PRR16: variants seen among roughly 807,000 people sequenced by gnomAD.
PRR16 encodes the protein protein Largen.
In PRR16, 6 loss-of-function variants were observed where a neutral mutation model predicts 18.2. The observed-to-expected ratio is 0.33, with a 90% confidence interval of 0.18 to 0.65. PRR16 has a LOEUF of 0.65. Ranked by LOEUF, PRR16 falls within the 30% of genes least tolerant of loss-of-function variation. The pLI, the probability that PRR16 is intolerant of heterozygous loss-of-function variation, is 0.74. For synonymous variants in PRR16, 151 were observed against 147.8 expected (o/e 1.02, Z -0.16); for missense variants, 412 against 376.6 (o/e 1.09, Z -0.78).
chr5:120,672,530 A>G (rs1051363823), intron 1 of PRR16, among the ~76,000 whole-genome samples: 7 of 73,364 alleles, frequency 9.5e-5, no homozygotes, highest in African/African-American at 2.7e-4. Flanking sequence ...AATTTATGTT[A>G]TAGATATATA....
chr5:120,707,867 T>C, the PRR16 span, among the ~76,000 whole-genome samples: 1 of 152,150 alleles, frequency 6.6e-6, no homozygotes, highest in African/African-American at 2.4e-5. Flanking sequence ...CTCTTGCATA[T>C]GGGAATGAGG....
intron 1 of PRR16, among the ~76,000 whole-genome samples, chr5:120,502,310 A>G (rs1462951693): frequency 6.7e-6 from 1 of 150,232 alleles, no homozygotes; most frequent in Non-Finnish European, 1.5e-5. Flanking sequence ...AACCAAAAAT[A>G]TTAATTCCTA....
intron 1 of PRR16, among the ~76,000 whole-genome samples, chr5:120,577,047 C>T (rs1056300149): frequency 8.6e-5 from 13 of 151,836 alleles, no homozygotes; most frequent in African/African-American, 2.4e-4. Context: ...CGTTTTCCAA[C>T]GCTGAAAGAT....
chr5:120,547,039 A>C (rs1199341597), intron 1 of PRR16, among the ~76,000 whole-genome samples: 1 of 152,032 alleles, frequency 6.6e-6, no homozygotes, highest in East Asian at 1.9e-4. Flanking sequence ...AAGTTTTGAG[A>C]TGTTGCTATG....
At chr5:120,556,074 C>A (rs1260566800) in intron 1 of PRR16, among the ~76,000 whole-genome samples, 2 of 151,420 alleles carry the variant, frequency 1.3e-5, no homozygotes, top group Admixed American at 1.3e-4. Flanking sequence ...ATTTAAATGG[C>A]ATAGAATAGA....
intron 1 of PRR16, among the ~76,000 whole-genome samples, chr5:120,610,479 T>G (rs1321220072): frequency 2.0e-5 from 3 of 152,098 alleles, no homozygotes; most frequent in African/African-American, 7.2e-5. Flanking sequence ...CAACTTGAGT[T>G]ACATGTCTCA....
intron 1 of PRR16, among the ~76,000 whole-genome samples, chr5:120,521,611 T>C (rs1751183226): frequency 6.6e-6 from 1 of 152,192 alleles, no homozygotes; most frequent in Non-Finnish European, 1.5e-5. Context: ...GTAATTATCA[T>C]ATGTATCACT....
chr5:120,666,115 G>C (rs543555038), intron 1 of PRR16, among the ~76,000 whole-genome samples: 1 of 152,208 alleles, frequency 6.6e-6, no homozygotes, highest in African/African-American at 2.4e-5. Context: ...CCATTTCTTT[G>C]TATCCTCTTT....
intron 1 of PRR16, among the ~76,000 whole-genome samples, chr5:120,655,189 G>A (rs1396215300): frequency 6.6e-6 from 1 of 151,690 alleles, no homozygotes; most frequent in Admixed American, 6.6e-5. Flanking sequence ...ACTCAGGCCT[G>A]TGGTAATGAT....
At chr5:120,640,057 A>G (rs575290146) in intron 1 of PRR16, among the ~76,000 whole-genome samples, 1 of 152,186 alleles carries the variant, frequency 6.6e-6, no homozygotes, top group South Asian at 2.1e-4. Flanking sequence ...ACCAAATACC[A>G]CATGATCTCA....
At position 120,470,849 on chromosome 5, in the gene PRR16, T is replaced by C. The variant is rs535857173; in HGVS notation, c.159+6204T>C. Among the ~76,000 whole-genome samples, 20 of 152,310 alleles carry C rather than the reference T, an allele frequency of 1.3e-4. No homozygotes were observed. The South Asian group carries it at 3.5e-3, about 27-fold the overall frequency. ...TTGTAAGTGGAGAAGTGAAGCTTCA[T>C]TGCCAGGTAGCTTGGTGTCAAAGAA... On this transcript the variant is annotated intron_variant, in intron 1 of 1. Coordinates refer to ENST00000407149, the MANE Select transcript of PRR16 (RefSeq NM_001300783.2).
chr5:120,717,815 T>C, the PRR16 span, among the ~76,000 whole-genome samples: 4 of 152,188 alleles, frequency 2.6e-5, no homozygotes, highest in African/African-American at 9.6e-5. Context: ...TAAATTTGAA[T>C]GTCAGAACGA....
At chr5:120,720,071 A>G in the PRR16 span, among the ~76,000 whole-genome samples, 1 of 151,966 alleles carries the variant, frequency 6.6e-6, no homozygotes, top group Non-Finnish European at 1.5e-5. Flanking sequence ...TGTATAGTCT[A>G]TATTATTTTA....
At chr5:120,476,208 G>A (rs17146666) in intron 1 of PRR16, among the ~76,000 whole-genome samples, 25,729 of 152,026 alleles carry the variant, frequency 0.17, 2,405 homozygotes, top group African/African-American at 0.23. Flanking sequence ...ACTATCTCCT[G>A]TTACTTAAAA....
the PRR16 span, among the ~76,000 whole-genome samples, chr5:120,765,238 G>A: frequency 1.2e-4 from 18 of 152,018 alleles, no homozygotes; most frequent in East Asian, 2.9e-3. Flanking sequence ...CTTACATATC[G>A]CATGTGCCTC....
chr5:120,702,858 G>A, the PRR16 span, among the ~76,000 whole-genome samples: 3 of 152,186 alleles, frequency 2.0e-5, no homozygotes, highest in African/African-American at 7.2e-5. Context: ...TCGGTCTGAG[G>A]ACCTGAGGTT....
At chr5:120,594,587 A>G (rs1251021193) in intron 1 of PRR16, among the ~76,000 whole-genome samples, 2 of 152,118 alleles carry the variant, frequency 1.3e-5, no homozygotes, top group Non-Finnish European at 2.9e-5. Flanking sequence ...GAAATTCTCC[A>G]CAGTACTAGA....
At chr5:120,674,751 T>G (rs1756737614) in intron 1 of PRR16, among the ~76,000 whole-genome samples, 1 of 152,034 alleles carries the variant, frequency 6.6e-6, no homozygotes, top group Non-Finnish European at 1.5e-5. Flanking sequence ...TGGAACTCCT[T>G]AATCAGTTTT....
intron 1 of PRR16, among the ~76,000 whole-genome samples, chr5:120,518,991 C>A (rs1178197245): frequency 6.6e-6 from 1 of 151,980 alleles, no homozygotes; most frequent in Non-Finnish European, 1.5e-5. Context: ...ATTAGTTAAG[C>A]CTATGTCTTA....
Sources: gnomAD v4.1 joint callset for allele counts (sites outside exome capture counted in the v4.1 genomes callset) on GRCh38, gnomAD v4.1.1 for gene constraint, MANE v1.5 for transcripts, NCBI Gene and HGNC (gene_info 2026-07-23, HGNC 2026-07-21) for gene names.